The following MAGI2 variants were observed in gnomAD, a reference collection of about 807,000 sequenced individuals.
MAGI2 encodes membrane associated guanylate kinase, WW and PDZ domain containing 2, also known as membrane-associated guanylate kinase, WW and PDZ domain-containing protein 2.
A neutral mutation model predicts 133.3 loss-of-function variants in MAGI2; 35 were observed. That is an observed-to-expected ratio of 0.26 (90% CI 0.20 to 0.35). The LOEUF (loss-of-function observed/expected upper bound fraction) is 0.35, where lower values mean the gene tolerates loss of function less well. MAGI2 is among the 10% of genes least tolerant of loss of function. The probability of loss-of-function intolerance (pLI) is 1.00; values close to 1 mark genes in which losing one functional copy is unlikely to be tolerated. For synonymous variants in MAGI2, 729 were observed against 710.6 expected (o/e 1.03, Z -0.41); for missense variants, 1,636 against 1,863.4 (o/e 0.88, Z 2.25).
At chr7:79,286,347 G>A (rs1835998711) in intron 1 of MAGI2, among the ~76,000 whole-genome samples, 1 of 152,056 alleles carries the variant, frequency 6.6e-6, no homozygotes, top group Admixed American at 6.6e-5. Context: ...AACAGAAGGG[G>A]AGACCTAGCT....
intron 2 of MAGI2, among the ~76,000 whole-genome samples, chr7:78,779,123 G>T (rs889542297): frequency 2.6e-5 from 4 of 152,054 alleles, no homozygotes; most frequent in Non-Finnish European, 5.9e-5. Flanking sequence ...GGCCAGGGTG[G>T]TCTCAAACTC....
intron 21 of MAGI2, among the ~76,000 whole-genome samples, chr7:78,040,585 G>A (rs993517086): frequency 6.6e-6 from 1 of 152,214 alleles, no homozygotes; most frequent in Non-Finnish European, 1.5e-5. Context: ...GATCCCGCAG[G>A]TAGACGTAGA....
chr7:78,487,860 T>C lies in MAGI2; in HGVS notation c.1045+1901A>G, dbSNP rs540810908. Among the ~76,000 whole-genome samples the C allele has an allele frequency of 3.9e-5, 6 of 152,242 alleles. No individual in the cohort carries two copies. In the East Asian group the frequency reaches 9.7e-4, roughly 25 times the overall value. On this transcript the variant is annotated intron_variant, in intron 6 of 21. Transcript: ENST00000354212. ...TGTCTGAGCCGAAGTGTGGCACATA[T>C]GAAGAATCATGACTTAACTGGCAAG...
chr7:78,676,507 A>T (rs1328784866), intron 2 of MAGI2, among the ~76,000 whole-genome samples: 1 of 152,134 alleles, frequency 6.6e-6, no homozygotes, highest in Non-Finnish European at 1.5e-5. Flanking sequence ...ATTCTCCTCT[A>T]AAACTATCGA....
intron 2 of MAGI2, among the ~76,000 whole-genome samples, chr7:78,660,187 G>C (rs1375849751): frequency 1.3e-5 from 2 of 151,734 alleles, no homozygotes; most frequent in Non-Finnish European, 2.9e-5. Context: ...CGAGTTAATG[G>C]GTGCAGCACA....
chr7:79,353,599 C>T, intron 1 of MAGI2: 1 of 413,606 alleles, frequency 2.4e-6, no homozygotes, highest in Non-Finnish European at 4.8e-6. Context: ...GGTGATCTTC[C>T]TGCTCTTTCA....
intron 1 of MAGI2, among the ~76,000 whole-genome samples, chr7:79,408,339 A>G (rs1402431079): frequency 6.6e-6 from 1 of 152,116 alleles, no homozygotes; most frequent in Non-Finnish European, 1.5e-5. Context: ...TAATATATCA[A>G]TATAACATCA....
At chr7:79,383,051 C>A (rs62458985) in intron 1 of MAGI2, among the ~76,000 whole-genome samples, 1 of 151,338 alleles carries the variant, frequency 6.6e-6, no homozygotes, top group Non-Finnish European at 1.5e-5. Flanking sequence ...AAGAAGATAC[C>A]GAAAACATTT....
At chr7:78,386,421 C>T (rs1005275547) in intron 6 of MAGI2, among the ~76,000 whole-genome samples, 1 of 152,126 alleles carries the variant, frequency 6.6e-6, no homozygotes. Flanking sequence ...GACCTGGAAT[C>T]GAAAACATGA....
At chr7:78,986,205 A>G (rs1454362632) in intron 2 of MAGI2, among the ~76,000 whole-genome samples, 2 of 152,114 alleles carry the variant, frequency 1.3e-5, no homozygotes, top group African/African-American at 4.8e-5. Flanking sequence ...TAACATTTCC[A>G]TGAAGAATGT....
chr7:78,810,840 A>G (rs902912131), intron 2 of MAGI2, among the ~76,000 whole-genome samples: 1 of 152,050 alleles, frequency 6.6e-6, no homozygotes, highest in Non-Finnish European at 1.5e-5. Flanking sequence ...AAAATAAATA[A>G]TTATTTCTTA....
intron 1 of MAGI2, among the ~76,000 whole-genome samples, chr7:79,170,387 G>T (rs1228961704): frequency 2.0e-5 from 3 of 151,696 alleles, no homozygotes; most frequent in Non-Finnish European, 2.9e-5. Flanking sequence ...TTTTGCCCAA[G>T]TTGGTCTCAA....
intron 6 of MAGI2, among the ~76,000 whole-genome samples, chr7:78,410,006 A>T (rs1383650692): frequency 6.6e-6 from 1 of 152,002 alleles, no homozygotes; most frequent in African/African-American, 2.4e-5. Flanking sequence ...TCCTGAAAGG[A>T]CCGTCATCAG....
chr7:79,062,823 A>T (rs2364341), intron 1 of MAGI2, among the ~76,000 whole-genome samples: 2 of 151,922 alleles, frequency 1.3e-5, no homozygotes, highest in Admixed American at 1.3e-4. Flanking sequence ...GCAATGAGGA[A>T]ACAGCTATTC....
chr7:79,391,510 T>TATATATATATATATATATATAGAC (rs1844618810), intron 1 of MAGI2, among the ~76,000 whole-genome samples: 10 of 28,780 alleles, frequency 3.5e-4, no homozygotes, highest in South Asian at 2.7e-3. Context: ...TATATAGACA[T>TATATATATATATATATATATAGAC]ATATATATAT....
intron 1 of MAGI2, among the ~76,000 whole-genome samples, chr7:79,016,835 C>G (rs1196883090): frequency 6.6e-6 from 1 of 152,230 alleles, no homozygotes; most frequent in Non-Finnish European, 1.5e-5. Flanking sequence ...CAAAAGTAGA[C>G]CAACTGATCT....
At position 78,458,975 on chromosome 7, in the gene MAGI2, A is replaced by G. The variant is rs558375642; in HGVS notation, c.1045+30786T>C. ...AAGGAAATAAAAATCTAAAAATTCA[A>G]ATGTAAGAGCAACCAAAGTTATGAT... On this transcript the variant is annotated intron_variant, in intron 6 of 21. Coordinates refer to ENST00000354212, the MANE Select transcript of MAGI2 (RefSeq NM_012301.4). Among the ~76,000 whole-genome samples the G allele has an allele frequency of 2.6e-5, 4 of 152,316 alleles. No homozygotes were observed. The South Asian group carries it at 8.3e-4, about 32-fold the overall frequency.
intron 9 of MAGI2, among the ~76,000 whole-genome samples, chr7:78,323,506 C>T: frequency 6.6e-6 from 1 of 152,278 alleles, no homozygotes; most frequent in East Asian, 1.9e-4. Context: ...AAGCTCTTAC[C>T]TGGGGGAGAT....
intron 1 of MAGI2, among the ~76,000 whole-genome samples, chr7:79,384,660 A>G (rs1157786781): frequency 6.6e-6 from 1 of 151,664 alleles, no homozygotes; most frequent in Admixed American, 6.6e-5. Flanking sequence ...TTGCAAACTT[A>G]CCAACTTATA....
Sources: gnomAD v4.1 joint callset for allele counts (sites outside exome capture counted in the v4.1 genomes callset) on GRCh38, gnomAD v4.1.1 for gene constraint, MANE v1.5 for transcripts, NCBI Gene and HGNC (gene_info 2026-07-23, HGNC 2026-07-21) for gene names.